RFX4: variants seen among roughly 807,000 people sequenced by gnomAD.
RFX4 encodes transcription factor RFX4.
RFX4 carries 10 observed loss-of-function variants against 95.0 expected under a neutral mutation model. The ratio of observed to expected loss-of-function variants is 0.11; its 90% confidence interval spans 0.06 to 0.18. RFX4 has a LOEUF of 0.18. Ranked by LOEUF, RFX4 falls within the 10% of genes least tolerant of loss-of-function variation. The pLI is 1.00. For synonymous variants in RFX4, 321 were observed against 340.7 expected, an observed-to-expected ratio of 0.94 and a Z score of 0.64; for missense variants, 640 against 922.0, an observed-to-expected ratio of 0.69 and a Z score of 3.96.
At chr12:106,631,124 G>T (rs748603235) in intron 2 of RFX4, among the ~76,000 whole-genome samples, 1 of 152,174 alleles carries the variant, frequency 6.6e-6, no homozygotes, top group Non-Finnish European at 1.5e-5. Context: ...GCATTAAACT[G>T]TTCACTGTCT....
At position 106,691,287 on chromosome 12, in the gene RFX4, T is replaced by C. The variant is rs187002553; in HGVS notation, c.669+1923T>C. Among the ~76,000 whole-genome samples, 37 of 152,350 alleles carry C rather than the reference T, an allele frequency of 2.4e-4. 1 individual carries two copies. In the East Asian group the frequency reaches 6.2e-3, roughly 25 times the overall value. On this transcript the variant is annotated intron_variant, in intron 7 of 17. Transcript: ENST00000392842. ...GCTCTTTGTAAACTGTAAAAGGTCA[T>C]ACAAATGCTTGTTCTTTTCAGATGT...
At chr12:106,694,685 A>G (rs1416312613) in intron 7 of RFX4, among the ~76,000 whole-genome samples, 1 of 152,180 alleles carries the variant, frequency 6.6e-6, no homozygotes, top group Non-Finnish European at 1.5e-5. Flanking sequence ...CTATAGTATT[A>G]TGAGTATTAC....
At chr12:106,621,611 C>A (rs1364602308) in intron 2 of RFX4, among the ~76,000 whole-genome samples, 2 of 152,158 alleles carry the variant, frequency 1.3e-5, no homozygotes, top group Admixed American at 1.3e-4. Flanking sequence ...GCATGTATAG[C>A]TTAGGAGTGG....
chr12:106,705,028 G>A (rs1409017368), intron 8 of RFX4, among the ~76,000 whole-genome samples: 2 of 152,258 alleles, frequency 1.3e-5, no homozygotes, highest in East Asian at 1.9e-4. Flanking sequence ...GTAGGACAGC[G>A]GTTGTAAGTC....
At chr12:106,669,065 A>C (rs2041232082) in intron 4 of RFX4, among the ~76,000 whole-genome samples, 1 of 152,262 alleles carries the variant, frequency 6.6e-6, no homozygotes, top group Non-Finnish European at 1.5e-5. Flanking sequence ...AAGATCATTC[A>C]TTAATACTTA....
chr12:106,590,229 T>C (rs1375847849), intron 1 of RFX4, among the ~76,000 whole-genome samples: 1 of 152,236 alleles, frequency 6.6e-6, no homozygotes, highest in East Asian at 1.9e-4. Flanking sequence ...AATTTTCTTA[T>C]GGGATTGATA....
At chr12:106,638,249 C>G (rs1403890107) in intron 2 of RFX4, among the ~76,000 whole-genome samples, 1 of 152,130 alleles carries the variant, frequency 6.6e-6, no homozygotes, top group Non-Finnish European at 1.5e-5. Flanking sequence ...CTCAAGTGAT[C>G]CACTCACCTT....
intron 2 of RFX4, among the ~76,000 whole-genome samples, chr12:106,620,861 A>G (rs2040171720): frequency 6.6e-6 from 1 of 152,000 alleles, no homozygotes; most frequent in Non-Finnish European, 1.5e-5. Flanking sequence ...TTCCTTTCCC[A>G]AGGAATATTA....
At chr12:106,693,975 C>T (rs1187179715) in intron 7 of RFX4, among the ~76,000 whole-genome samples, 2 of 152,182 alleles carry the variant, frequency 1.3e-5, no homozygotes, top group East Asian at 3.8e-4. Flanking sequence ...CTGCTTTTAT[C>T]CCCATTTCAC....
intron 6 of RFX4, among the ~76,000 whole-genome samples, chr12:106,688,131 G>A (rs191945381): frequency 1.0e-3 from 146 of 145,500 alleles, no homozygotes; most frequent in Middle Eastern, 3.6e-3. Flanking sequence ...GTGCAGTGGC[G>A]CAATCTCAGC....
At chr12:106,686,192 C>T (rs1484713405) in intron 5 of RFX4, among the ~76,000 whole-genome samples, 2 of 152,120 alleles carry the variant, frequency 1.3e-5, no homozygotes, top group Non-Finnish European at 2.9e-5. Context: ...GTGGGCAGAT[C>T]ATGAGGTCAG....
At chr12:106,637,100 A>G (rs982758330) in intron 2 of RFX4, among the ~76,000 whole-genome samples, 4 of 152,156 alleles carry the variant, frequency 2.6e-5, no homozygotes, top group Admixed American at 6.5e-5. Flanking sequence ...ACCTAATCCA[A>G]TCAGTGGCTA....
chr12:106,700,764 T>C (rs1327339495), intron 8 of RFX4, among the ~76,000 whole-genome samples: 1 of 152,230 alleles, frequency 6.6e-6, no homozygotes, highest in African/African-American at 2.4e-5. Flanking sequence ...GCTTCACATG[T>C]AGTGTAAGAA....
intron 4 of RFX4, among the ~76,000 whole-genome samples, chr12:106,680,598 G>A (rs1391526895): frequency 6.6e-6 from 1 of 152,136 alleles, no homozygotes; most frequent in Non-Finnish European, 1.5e-5. Context: ...AGCACTCAAG[G>A]TTTATGCCCT....
At chr12:106,669,557 C>T (rs532364415) in intron 4 of RFX4, among the ~76,000 whole-genome samples, 4 of 152,096 alleles carry the variant, frequency 2.6e-5, no homozygotes, top group South Asian at 4.2e-4. Context: ...CACGGTGGCC[C>T]TCTTCTTCTA....
At chr12:106,585,532 C>T (rs2039442278) in intron 1 of RFX4, among the ~76,000 whole-genome samples, 2 of 152,200 alleles carry the variant, frequency 1.3e-5, no homozygotes, top group South Asian at 4.1e-4. Context: ...GGAAGTGCGG[C>T]TCGGCGTGGT....
intron 4 of RFX4, among the ~76,000 whole-genome samples, chr12:106,668,924 A>G (rs1237863948): frequency 6.6e-6 from 1 of 152,240 alleles, no homozygotes; most frequent in Non-Finnish European, 1.5e-5. Flanking sequence ...TAGTTGTGAT[A>G]TAGTGTAATT....
chr12:106,591,864 T>C (rs2039552719), intron 1 of RFX4, among the ~76,000 whole-genome samples: 1 of 152,212 alleles, frequency 6.6e-6, no homozygotes, highest in African/African-American at 2.4e-5. Flanking sequence ...TGTTAAAATA[T>C]GGCTTCAGGG....
At chr12:106,621,821 G>A (rs185794546) in intron 2 of RFX4, among the ~76,000 whole-genome samples, 1 of 151,910 alleles carries the variant, frequency 6.6e-6, no homozygotes, top group Non-Finnish European at 1.5e-5. Flanking sequence ...AAGATCTTTG[G>A]AAAGATCTTG....
Sources: allele counts gnomAD v4.1 joint callset (sites outside exome capture counted in the v4.1 genomes callset), GRCh38; gene constraint gnomAD v4.1.1; transcripts MANE v1.5; gene names NCBI Gene and HGNC (gene_info 2026-07-23, HGNC 2026-07-21).